Variants in SUPV3L1 observed in about 807,000 individuals in gnomAD.
SUPV3L1 encodes ATP-dependent RNA helicase SUPV3L1, mitochondrial.
Under a neutral mutation model 70.0 loss-of-function variants are expected in SUPV3L1, and 35 were observed. The ratio of observed to expected loss-of-function variants is 0.50; its 90% CI spans 0.38 to 0.66. The LOEUF is 0.66. SUPV3L1 is among the 30% of genes least tolerant of loss of function. The probability of loss-of-function intolerance (pLI) is 0.00; values close to 1 mark genes in which losing one functional copy is unlikely to be tolerated. For missense variants in SUPV3L1, 777 were observed against 961.5 expected (o/e 0.81, Z 2.54); for synonymous variants, 364 against 341.9 (o/e 1.06, Z -0.71).
rs775537504 is a variant in SUPV3L1 at position 69,187,639 on chromosome 10, C to T, written c.458-3C>T. On this transcript the variant is annotated splice_polypyrimidine_tract_variant and splice_region_variant and intron_variant, in intron 3 of 14. Transcript: ENST00000359655. Reference sequence around the variant, plus strand: ...CATGTTAATACAGTGTTTTATTTTCCAGCTCATGCGGATGATTTATTCCCA... The same window carrying T: ...CATGTTAATACAGTGTTTTATTTTCTAGCTCATGCGGATGATTTATTCCCA... The T allele has an allele frequency of 4.4e-6, 7 of 1,589,648 alleles. No homozygotes were observed. The highest frequency in any genetic ancestry group is 4.3e-6 in the Non-Finnish European group (5 of 1,164,372).
intron 1 of SUPV3L1, among the ~76,000 whole-genome samples, chr10:69,181,754 C>G (rs544422513): frequency 9.2e-5 from 14 of 152,194 alleles, no homozygotes; most frequent in African/African-American, 2.9e-4. Context: ...ATAACTGACT[C>G]CTGTGATAAT....
Position 69,200,380 on chromosome 10 carries a change from A to T in SUPV3L1, c.1399A>T (p.Ile467Phe). 6.2e-7 allele frequency: 1 copy of T among 1,614,174 alleles called. No individual in the cohort carries two copies. Among genetic ancestry groups the T allele is most frequent in the South Asian group, 1.1e-5 (1 of 91,084 alleles). ...AATCACAACCTCTCAAGCCCTGCAG[A>T]TTGCTGGCAGAGCTGGCAGATTCAG... is the stretch of plus-strand genomic sequence containing the variant. The part of the protein sequence containing the change: ...EPITTSQALQ[I>F]AGRAGRFSSR... Residue 467 changes from isoleucine to phenylalanine, a missense_variant, in exon 11 of 15, where the codon ATT becomes TTT. Transcript: ENST00000359655.
intron 4 of SUPV3L1, among the ~76,000 whole-genome samples, chr10:69,188,518 A>G (rs1349309387): frequency 1.4e-5 from 1 of 72,910 alleles, no homozygotes; most frequent in South Asian, 4.5e-4. Flanking sequence ...TTTGTTTTTG[A>G]GAGAGAGTCT....
intron 14 of SUPV3L1, 87 bp downstream of exon 14, chr10:69,208,028 T>C (rs897615597): frequency 2.0e-5 from 30 of 1,479,996 alleles, no homozygotes; most frequent in African/African-American, 2.8e-5. Context: ...TTTCAAATTA[T>C]GGACATATTT....
chr10:69,186,417 C>T, intron 2 of SUPV3L1, 26 bp from the exon 3 acceptor site: 2 of 1,536,444 alleles, frequency 1.3e-6, no homozygotes, highest in Non-Finnish European at 1.8e-6. Context: ...CTACACCTTA[C>T]ATCTTTTCAT....
At position 69,189,276 on chromosome 10, in the gene SUPV3L1, T is replaced by C. The variant is rs764530242; in HGVS notation, c.582T>C (p.Asp194=). 19 of 1,613,452 alleles carry C rather than the reference T, an allele frequency of 1.2e-5. No homozygotes were observed. The highest frequency in any genetic ancestry group is 1.7e-5 in the Admixed American group (1 of 59,920). The change falls in exon 5 of 15, where the codon GAT becomes GAC. Residue 194 remains aspartate, a synonymous_variant. Coordinates refer to ENST00000359655, the MANE Select transcript of SUPV3L1 (RefSeq NM_003171.5). The part of the protein sequence containing the change: ...DLRIPPNWYP[D]ARAMQRKIIF... The stretch of plus-strand genomic sequence containing the variant: ...CCTACTCATGTTTTAGGTACCCAGA[T>C]GCTAGAGCCATGCAGCGGAAGATAA...
chr10:69,197,445 C>T (rs1411516285), intron 8 of SUPV3L1, among the ~76,000 whole-genome samples: 1 of 152,182 alleles, frequency 6.6e-6, no homozygotes, highest in East Asian at 1.9e-4. Flanking sequence ...GCCTTTGATA[C>T]ACATCTAATT....
intron 7 of SUPV3L1, 100 bp downstream of exon 7, chr10:69,195,365 A>G: frequency 3.9e-6 from 3 of 762,636 alleles, no homozygotes; most frequent in Non-Finnish European, 5.8e-6. Context: ...GTCACCTAGA[A>G]CCTTTCTTTT....
chr10:69,198,236 G>C (rs1276490669), intron 8 of SUPV3L1, 136 bp from the exon 9 acceptor site: 3 of 652,284 alleles, frequency 4.6e-6, no homozygotes, highest in Non-Finnish European at 7.5e-6. Context: ...ATGTTTTTCT[G>C]TGTTTTCTTT....
At chr10:69,204,210 C>G in intron 13 of SUPV3L1, among the ~76,000 whole-genome samples, 1 of 152,110 alleles carries the variant, frequency 6.6e-6, no homozygotes, top group South Asian at 2.1e-4. Flanking sequence ...GGAAGCGGTT[C>G]AGAACTGTAT....
At position 69,202,852 on chromosome 10, in the gene SUPV3L1, C is replaced by CT. The variant is rs111309787; in HGVS notation, c.1600-8dup. 5.6e-6 allele frequency: 9 copies of CT among 1,606,840 alleles called. No homozygotes were observed. Among genetic ancestry groups the CT allele is most frequent in the Middle Eastern group, 1.7e-4 (1 of 6,032 alleles). ...ACTTAGGCAGTCCAGTAATTTCTGT[C>CT]TTTTTTTCCCCAAGGATATTTTTGT... On this transcript the variant is annotated splice_polypyrimidine_tract_variant and intron_variant, in intron 12 of 14. Coordinates refer to ENST00000359655, the MANE Select transcript of SUPV3L1 (RefSeq NM_003171.5).
In SUPV3L1 at chr10:69,186,328, A is replaced by G. The variant is rs1842229346; in HGVS notation, c.350-115A>G. On this transcript the variant is annotated intron_variant, in intron 2 of 14. Coordinates refer to ENST00000359655, the MANE Select transcript of SUPV3L1 (RefSeq NM_003171.5). ...CATAATAAACCAGCTGTACTGCCAA[A>G]AAAAAAAAAAAAAAAAGAAAAAAAA... 24 of 563,466 alleles carry G rather than the reference A, an allele frequency of 4.3e-5. No individual in the cohort carries two copies. In the Admixed American group the frequency reaches 1.2e-3, roughly 27 times the overall value. 34.9% of individuals were successfully genotyped at this position (563,466 alleles called of 1,614,324 possible). A position where few individuals can be genotyped will look rare whatever the true frequency, so the allele number is the denominator to read the frequency against.
intron 7 of SUPV3L1, among the ~76,000 whole-genome samples, chr10:69,196,389 G>C (rs1043754216): frequency 6.6e-6 from 1 of 152,048 alleles, no homozygotes; most frequent in Admixed American, 6.6e-5. Flanking sequence ...TACTCCAGAG[G>C]CTGAGGCACA....
At chr10:69,195,962 G>A (rs1475243343) in intron 7 of SUPV3L1, among the ~76,000 whole-genome samples, 1 of 151,966 alleles carries the variant, frequency 6.6e-6, no homozygotes, top group Non-Finnish European at 1.5e-5. Context: ...GCCCAGGCTG[G>A]TCTTGAACTC....
chr10:69,193,445 C>T (rs1372340911), intron 6 of SUPV3L1, among the ~76,000 whole-genome samples: 1 of 148,028 alleles, frequency 6.8e-6, no homozygotes, highest in Non-Finnish European at 1.5e-5. Context: ...ATCCAGATCA[C>T]GAAGTAGTTT....
Position 69,180,520 on chromosome 10 carries a change from G to T in SUPV3L1, c.229G>T (p.Asp77Tyr), listed in dbSNP as rs1310145679. ...TGTGAAACCTCAGGGCCCCAGCGCC[G>T]ACGGCGACGTCGGGGCCGAGCTAAC... ...LTVKPQGPSA[D>Y]GDVGAELTRP... The change falls in exon 1 of 15, where the codon GAC (aspartate) becomes TAC (tyrosine). Residue 77 changes from aspartate (D) to tyrosine (Y), a missense_variant. This residue lies in a region of SUPV3L1 where 158 missense variants were observed against 138.3 expected (regional missense o/e 1.14). Transcript: ENST00000359655. 2.5e-6 allele frequency: 4 copies of T among 1,614,070 alleles called. No individual in the cohort carries two copies. The highest frequency in any genetic ancestry group is 3.4e-6 in the Non-Finnish European group (4 of 1,180,040).
rs2292192 is a variant in SUPV3L1, at chr10:69,180,435, C to T, written c.144C>T (p.Ala48=). Residue 48 remains alanine (A), a synonymous_variant, in exon 1 of 15, where the codon GCC becomes GCT. Transcript: ENST00000359655. ...GGCAAGTTTCTGTCCTTGCCACCGC[C>T]TCCTCCTCTGCCTCCGGTGGCTCCA... The part of the protein sequence containing the change: ...VLGQVSVLAT[A]SSSASGGSKI... The T allele has an allele frequency of 0.037, 58,954 of 1,614,208 alleles. 5,028 individuals carry two copies. Among genetic ancestry groups the T allele is most frequent in the African/African-American group, 0.33 (24,618 of 75,020 alleles).
chr10:69,202,419 G>A lies in SUPV3L1; in HGVS notation c.1519-20G>A. 6.3e-7 allele frequency: 1 copy of A among 1,588,564 alleles called. No homozygotes were observed. Among genetic ancestry groups the A allele is most frequent in the East Asian group, 2.2e-5 (1 of 44,642 alleles). On this transcript the variant is annotated intron_variant, in intron 11 of 14. Transcript: ENST00000359655. ...AAAAAAAAAAAATCAGCTTATGATT[G>A]TTTTTTCTTTTACTAAAAGGCAGCT...
intron 13 of SUPV3L1, among the ~76,000 whole-genome samples, chr10:69,206,389 A>G (rs1842828846): frequency 6.6e-6 from 1 of 152,206 alleles, no homozygotes; most frequent in African/African-American, 2.4e-5. Context: ...CAGGAAATGA[A>G]TCATTTGAAA....
Sources: gnomAD v4.1 joint callset for allele counts (sites outside exome capture counted in the v4.1 genomes callset) on GRCh38, gnomAD v4.1.1 for gene constraint, gnomAD v4.1.1 regional missense constraint, MANE v1.5 for transcripts, NCBI Gene and HGNC (gene_info 2026-07-23, HGNC 2026-07-21) for gene names.